Variants in RNF212B observed in about 807,000 individuals in gnomAD.
RNF212B encodes the protein ring finger protein 212B, also known as E3 ubiquitin-protein ligase RNF212B.
In RNF212B, 52 loss-of-function variants were observed where a neutral mutation model predicts 55.5. The observed-to-expected ratio is 0.94, with a 90% CI of 0.75 to 1.18. The LOEUF (loss-of-function observed/expected upper bound fraction) is 1.18, where lower values mean the gene tolerates loss of function less well. RNF212B is among the 50% of genes most tolerant of loss of function. RNF212B has a pLI of 0.00. For synonymous variants in RNF212B, 99 were observed against 121.4 expected, an observed-to-expected ratio of 0.82 and a Z score of 1.21; for missense variants, 289 against 350.4, an observed-to-expected ratio of 0.82 and a Z score of 1.40.
chr14:23,244,254 C>A, intron 3 of RNF212B, 68 bp from the exon 4 acceptor site: 2 of 888,934 alleles, frequency 2.2e-6, no homozygotes, highest in South Asian at 3.3e-5. Flanking sequence ...CATCTTTTGT[C>A]ATGTTAGTCA....
At chr14:23,264,476 G>A (rs1885530896) in intron 10 of RNF212B, 147 bp from the exon 11 acceptor site, 1 of 689,114 alleles carries the variant, frequency 1.5e-6, no homozygotes, top group Non-Finnish European at 2.4e-6. Flanking sequence ...ATTTTGGAAG[G>A]AGTAAAGTAT....
intron 2 of RNF212B, among the ~76,000 whole-genome samples, chr14:23,227,161 C>CACTTT (rs1286487743): frequency 6.6e-6 from 1 of 151,772 alleles, no homozygotes; most frequent in Non-Finnish European, 1.5e-5. Flanking sequence ...GTATATGGAA[C>CACTTT]CTTTCTACAC....
chr14:23,230,464 C>T (rs1882498656), intron 2 of RNF212B, among the ~76,000 whole-genome samples: 1 of 151,976 alleles, frequency 6.6e-6, no homozygotes, highest in Non-Finnish European at 1.5e-5. Flanking sequence ...ACCATCCTGG[C>T]TAACACGGTG....
chr14:23,200,005 A>G (rs185623480), intron 2 of RNF212B, among the ~76,000 whole-genome samples: 1 of 151,664 alleles, frequency 6.6e-6, no homozygotes, highest in Non-Finnish European at 1.5e-5. Context: ...ACTGTAGAAC[A>G]TAATAAAAAA....
chr14:23,243,925 A>G (rs1176867348), intron 3 of RNF212B, among the ~76,000 whole-genome samples: 1 of 152,056 alleles, frequency 6.6e-6, no homozygotes, highest in African/African-American at 2.4e-5. Flanking sequence ...TAAAAATACA[A>G]AAATTAGCTG....
intron 2 of RNF212B, among the ~76,000 whole-genome samples, chr14:23,230,419 C>T (rs1036487414): frequency 1.2e-4 from 18 of 152,166 alleles, no homozygotes; most frequent in African/African-American, 3.9e-4. Context: ...CTTTGGGAGG[C>T]CGAGGCGGGT....
intron 11 of RNF212B, among the ~76,000 whole-genome samples, chr14:23,264,965 G>A (rs1189996159): frequency 6.6e-6 from 1 of 151,956 alleles, no homozygotes; most frequent in Non-Finnish European, 1.5e-5. Context: ...AGGATTACAG[G>A]CATGTGCCAC....
chr14:23,205,291 TCTTTTTTTTAAAAAAAGGACACC>T (rs1879725177), intron 2 of RNF212B, among the ~76,000 whole-genome samples: 1 of 146,222 alleles, frequency 6.8e-6, no homozygotes, highest in South Asian at 2.2e-4. Context: ...AAAATTTTTC[TCTTTTTTTTAAAAAAAGGACACC>T]CTTTTTTTTT....
chr14:23,228,462 C>CAAAAAAAAAAA (rs776673043), intron 2 of RNF212B, among the ~76,000 whole-genome samples: 3 of 76,096 alleles, frequency 3.9e-5, no homozygotes, highest in Admixed American at 1.7e-4. Flanking sequence ...CTATCTCTAC[C>CAAAAAAAAAAA]AAAAAAAAAA....
chr14:23,208,610 AC>A (rs1880093276), intron 2 of RNF212B, among the ~76,000 whole-genome samples: 1 of 152,106 alleles, frequency 6.6e-6, no homozygotes, highest in Non-Finnish European at 1.5e-5. Context: ...CCAGACCCAG[AC>A]CCCAAGAGAG....
intron 2 of RNF212B, among the ~76,000 whole-genome samples, chr14:23,214,106 G>A (rs1041570537): frequency 1.8e-4 from 28 of 152,134 alleles, no homozygotes; most frequent in African/African-American, 6.5e-4. Context: ...GTGAGACTCT[G>A]TATCTTTTTT....
chr14:23,256,663 C>G (rs748299956), intron 4 of RNF212B, among the ~76,000 whole-genome samples: 1 of 152,122 alleles, frequency 6.6e-6, no homozygotes, highest in African/African-American at 2.4e-5. Context: ...TGAGCCACCA[C>G]GCCTGGCCTC....
intron 2 of RNF212B, chr14:23,230,127 G>A (rs1050913980): frequency 2.9e-5 from 5 of 171,192 alleles, no homozygotes; most frequent in Admixed American, 1.7e-4. Context: ...GATGAGAAGC[G>A]GAGTCGAATA....
chr14:23,193,471 C>T (rs1878322432), intron 2 of RNF212B: 1 of 152,100 alleles, frequency 6.6e-6, no homozygotes, highest in South Asian at 2.1e-4. Context: ...GACAGCCACC[C>T]CTCCAGAGGG....
chr14:23,198,858 T>C (rs562450903), intron 2 of RNF212B, among the ~76,000 whole-genome samples: 1 of 152,218 alleles, frequency 6.6e-6, no homozygotes, highest in South Asian at 2.1e-4. Flanking sequence ...AAGTAACATA[T>C]AAGCAAGGAG....
chr14:23,193,091 T>TAAAA (rs3045528), intron 1 of RNF212B, among the ~76,000 whole-genome samples: 1 of 113,124 alleles, frequency 8.8e-6, no homozygotes, highest in Non-Finnish European at 1.8e-5. Context: ...AAACTCTGTC[T>TAAAA]AAAAAAAAAA....
In RNF212B at chr14:23,242,081, C is replaced by CAAAA. The variant is rs58497672; in HGVS notation, c.101-1152_101-1149dup. On this transcript the variant is annotated intron_variant, in intron 2 of 14. Coordinates refer to ENST00000430154, the MANE Select transcript of RNF212B (RefSeq NM_001282322.3). Reference sequence around the variant, plus strand: ...TGGGCGACAGAGCAAGACTCCGTCTCAAAAAAAAAAAAAAAAAAAAAAAAA... The same window carrying CAAAA: ...TGGGCGACAGAGCAAGACTCCGTCTCAAAAAAAAAAAAAAAAAAAAAAAAAAAAA... 5.8e-3 allele frequency among the ~76,000 whole-genome samples: 212 copies of CAAAA among 36,624 alleles called. 3 individuals carry two copies. Among genetic ancestry groups the CAAAA allele is most frequent in the Non-Finnish European group, 7.6e-3 (157 of 20,540 alleles). 24.0% of individuals were successfully genotyped at this position (36,624 alleles called of 152,430 possible). A position where few individuals can be genotyped will look rare whatever the true frequency, so the allele number is the denominator to read the frequency against.
At chr14:23,254,576 T>C (rs1884666541) in intron 4 of RNF212B, among the ~76,000 whole-genome samples, 1 of 152,178 alleles carries the variant, frequency 6.6e-6, no homozygotes, top group Non-Finnish European at 1.5e-5. Flanking sequence ...GTGCTTTTGG[T>C]AGAGATAGCA....
intron 7 of RNF212B, among the ~76,000 whole-genome samples, chr14:23,261,759 A>T (rs1435049641): frequency 6.6e-6 from 1 of 152,210 alleles, no homozygotes; most frequent in Non-Finnish European, 1.5e-5. Context: ...CAGGAGATTG[A>T]GACCGTTCTG....
Sources: gnomAD v4.1 joint callset for allele counts (sites outside exome capture counted in the v4.1 genomes callset) on GRCh38, gnomAD v4.1.1 for gene constraint, MANE v1.5 for transcripts, NCBI Gene and HGNC (gene_info 2026-07-23, HGNC 2026-07-21) for gene names.